Variants in CCNH observed in about 807,000 individuals in gnomAD.
CCNH encodes the protein cyclin-H.
Under a neutral mutation model 41.9 loss-of-function variants are expected in CCNH, and 31 were observed. The ratio of observed to expected loss-of-function variants is 0.74; its 90% CI spans 0.56 to 1.00. CCNH has a LOEUF of 1.00. CCNH is among the 50% of genes least tolerant of loss of function. The pLI is 0.00. For synonymous variants in CCNH, 138 were observed against 136.1 expected, an observed-to-expected ratio of 1.01 and a Z score of -0.10; for missense variants, 362 against 388.4, an observed-to-expected ratio of 0.93 and a Z score of 0.57.
chr5:87,353,163 G>A lies in CCNH; in HGVS notation c.*91-34266C>T, dbSNP rs111275546. The A allele has an allele frequency of 1.2e-6, 2 of 1,607,922 alleles. No homozygotes were observed. Among genetic ancestry groups the A allele is most frequent in the Non-Finnish European group, 8.5e-7 (1 of 1,175,102 alleles). ...GAAATTTTTATTTTAACAGCATTGG[G>A]GACATCATAGATCACTATCGAAAAG... On this transcript the variant is annotated intron_variant and NMD_transcript_variant, in intron 9 of 9. Transcript: ENST00000645953.
At chr5:87,341,190 T>C (rs1758413447) in intron 9 of CCNH, 1 of 578,258 alleles carries the variant, frequency 1.7e-6, no homozygotes, top group South Asian at 8.1e-5. Context: ...TAAATAAGGA[T>C]AGTGTGGGGA....
intron 9 of CCNH, among the ~76,000 whole-genome samples, chr5:87,360,939 TTCAA>T (rs1411283843): frequency 3.3e-5 from 5 of 152,220 alleles, no homozygotes; most frequent in Non-Finnish European, 5.9e-5. Context: ...TTTAAGTATG[TTCAA>T]TCAAAGCTAA....
Position 87,412,781 on chromosome 5 carries a change from CTGT to C in CCNH, c.11_13del (p.Asn4del). ...GAAGGTCCAGTGCCGCTTCTGACTA[CTGT>C]TGTGGTACATTATGGAATCGTGACC... On this transcript the variant is annotated inframe_deletion, in exon 1 of 9. Transcript: ENST00000256897. The C allele has an allele frequency of 6.2e-7, 1 of 1,614,228 alleles. No homozygotes were observed. The highest frequency in any genetic ancestry group is 8.5e-7 in the Non-Finnish European group (1 of 1,180,036).
chr5:87,394,718 T>G lies in CCNH; in HGVS notation c.934-234A>C, dbSNP rs758155759. On this transcript the variant is annotated intron_variant, in intron 8 of 8. Transcript: ENST00000256897. ...CCTTTTGCCTCTGATTATTCACTTA[T>G]TTGACTTGACAGATAGAAAATTTTT... The G allele has an allele frequency of 8.2e-4, 1,091 of 1,337,334 alleles. 1 individual carries two copies. Among genetic ancestry groups the G allele is most frequent in the Non-Finnish European group, 9.8e-4 (1,030 of 1,048,398 alleles). 82.8% of individuals were successfully genotyped at this position (1,337,334 alleles called of 1,614,324 possible).
At chr5:87,376,425 A>G in exon 1 of CCNH, 1 of 1,614,060 alleles carries the variant, frequency 6.2e-7, no homozygotes, top group Non-Finnish European at 8.5e-7. Context: ...CCGATTACAG[A>G]AAGGGCATGC....
At chr5:87,337,748 C>T (rs1758076931) in intron 9 of CCNH, among the ~76,000 whole-genome samples, 1 of 152,004 alleles carries the variant, frequency 6.6e-6, no homozygotes, top group Non-Finnish European at 1.5e-5. Flanking sequence ...ATACTACTAT[C>T]AAACCCATTT....
chr5:87,363,404 CTTAT>C lies in CCNH; in HGVS notation c.*90+29362_*90+29365del. On this transcript the variant is annotated intron_variant and NMD_transcript_variant, in intron 9 of 9. Transcript: ENST00000645953. Reference sequence around the variant, plus strand: ...TATCTTAGAGGGTAGTGATGCCCAACTTATTTATTTTGAAAGCGAAAAACGAGCT... The same window carrying C: ...TATCTTAGAGGGTAGTGATGCCCAACTTATTTTGAAAGCGAAAAACGAGCT... 6.2e-7 allele frequency: 1 copy of C among 1,610,604 alleles called. No individual in the cohort carries two copies. The highest frequency in any genetic ancestry group is 8.5e-7 in the Non-Finnish European group (1 of 1,177,346).
intron 9 of CCNH, chr5:87,366,342 T>C (rs758393084): frequency 5.5e-5 from 23 of 417,748 alleles, no homozygotes; most frequent in Non-Finnish European, 7.9e-5. Flanking sequence ...ATATAGTTTA[T>C]ATGAACAGAT....
intron 9 of CCNH, chr5:87,366,325 T>G (rs1760512503): frequency 2.6e-6 from 1 of 388,042 alleles, no homozygotes; most frequent in Non-Finnish European, 5.3e-6. Flanking sequence ...GCTTTAGCAT[T>G]ATTTTGATAT....
intron 9 of CCNH, among the ~76,000 whole-genome samples, chr5:87,347,008 G>A (rs1270008480): frequency 6.6e-6 from 1 of 151,908 alleles, no homozygotes; most frequent in East Asian, 1.9e-4. Flanking sequence ...GAAGTTTTCT[G>A]TGTCTCTGTG....
At chr5:87,388,397 A>G (rs1458973877), downstream of CCNH, among the ~76,000 whole-genome samples, 1 of 152,222 alleles carries the variant, frequency 6.6e-6, no homozygotes, top group East Asian at 1.9e-4. Flanking sequence ...AATAAAGTAC[A>G]GGTTGAGTAT....
Position 87,401,784 on chromosome 5 carries a change from AAG to A in CCNH, c.690-14_690-13del. On this transcript the variant is annotated splice_polypyrimidine_tract_variant and intron_variant, in intron 5 of 8. Transcript: ENST00000256897. ...TCTCTGATAAATAACTAGTAAAGAA[AAG>A]AAAAAAAAATCTATTGAAAACATAC... 1.3e-6 allele frequency: 2 copies of A among 1,510,522 alleles called. No individual in the cohort carries two copies. The highest frequency in any genetic ancestry group is 1.8e-6 in the Non-Finnish European group (2 of 1,116,942). The allele number at this position is 1,510,522 out of a possible 1,614,324, so 93.6% of individuals were successfully genotyped here. A position where few individuals can be genotyped will look rare whatever the true frequency, so the allele number is the denominator to read the frequency against.
At chr5:87,365,457 AC>A (rs1760443807) in intron 9 of CCNH, among the ~76,000 whole-genome samples, 1 of 152,148 alleles carries the variant, frequency 6.6e-6, no homozygotes, top group Non-Finnish European at 1.5e-5. Context: ...TTATGAAGCT[AC>A]CTTTTATGTT....
At chr5:87,356,128 A>G (rs1199627320) in intron 9 of CCNH, among the ~76,000 whole-genome samples, 1 of 152,190 alleles carries the variant, frequency 6.6e-6, no homozygotes, top group Non-Finnish European at 1.5e-5. Context: ...ATAAAGCAGC[A>G]AGAGGGTTTG....
downstream of CCNH, chr5:87,389,421 A>G: frequency 4.3e-6 from 7 of 1,614,150 alleles, no homozygotes; most frequent in Non-Finnish European, 5.9e-6. Context: ...GACACTACAG[A>G]GCATTCTAGA....
chr5:87,341,471 C>G (rs1758452000), intron 9 of CCNH: 2 of 426,574 alleles, frequency 4.7e-6, no homozygotes, highest in Non-Finnish European at 4.0e-6. Context: ...TAAATATTTT[C>G]TTAAGGATCT....
chr5:87,408,176 C>A lies in CCNH; in HGVS notation c.325G>T (p.Ala109Ser). The A allele has an allele frequency of 6.7e-7, 1 of 1,500,422 alleles. No individual in the cohort carries two copies. Among genetic ancestry groups the A allele is most frequent in the Non-Finnish European group, 9.0e-7 (1 of 1,107,984 alleles). The allele number at this position is 1,500,422 out of a possible 1,614,324, so 92.9% of individuals were successfully genotyped here. ...TCATCTACTTTGCAGGCCAAAAATG[C>A]ACAAGTGAGCCTAGAGGAAAAAATA... ...YHPRIIMLTC[A>S]FLACKVDEFN... Residue 109 changes from alanine (A) to serine (S), a missense_variant, in exon 4 of 9, where the codon GCA becomes TCA. By Grantham distance (99) the Ala-to-Ser change is moderately conservative (BLOSUM62 1). Coordinates refer to ENST00000256897, the MANE Select transcript of CCNH (RefSeq NM_001239.4).
At chr5:87,358,296 G>T (rs1413698272) in intron 9 of CCNH, among the ~76,000 whole-genome samples, 3 of 152,058 alleles carry the variant, frequency 2.0e-5, no homozygotes, top group African/African-American at 4.8e-5. Flanking sequence ...TTACATTTTT[G>T]AGCACTATAT....
intron 7 of CCNH, among the ~76,000 whole-genome samples, chr5:87,397,727 G>C (rs1022658372): frequency 6.6e-6 from 1 of 152,144 alleles, no homozygotes; most frequent in Admixed American, 6.5e-5. Flanking sequence ...AAGAATTTTG[G>C]ATTATGGTCC....
Sources: gnomAD v4.1 joint callset for allele counts (sites outside exome capture counted in the v4.1 genomes callset) on GRCh38, gnomAD v4.1.1 for gene constraint, MANE v1.5 for transcripts, NCBI Gene and HGNC (gene_info 2026-07-23, HGNC 2026-07-21) for gene names.